The following AKAP6 variants were observed in gnomAD, a reference collection of about 807,000 sequenced individuals.
AKAP6 encodes A-kinase anchoring protein 6, also known as A-kinase anchor protein 6.
AKAP6 carries 58 observed loss-of-function variants against 188.5 expected under a neutral mutation model. That is an observed-to-expected ratio of 0.31 (90% CI 0.25 to 0.38). The LOEUF (loss-of-function observed/expected upper bound fraction) is 0.38, where lower values mean the gene tolerates loss of function less well. Among genes scored for constraint, AKAP6 ranks in the 10% least tolerant of loss-of-function variants. AKAP6 has a pLI of 1.00. For synonymous variants in AKAP6, 989 were observed against 998.6 expected (o/e 0.99, Z 0.18); for missense variants, 2,710 against 2,740.0 (o/e 0.99, Z 0.24).
intron 2 of AKAP6, among the ~76,000 whole-genome samples, chr14:32,452,968 G>A (rs1026215664): frequency 3.3e-5 from 5 of 152,202 alleles, no homozygotes; most frequent in Admixed American, 2.6e-4. Flanking sequence ...GCCATCCGTT[G>A]TTGGAAGGAT....
intron 1 of AKAP6, among the ~76,000 whole-genome samples, chr14:32,424,403 A>G (rs1013045973): frequency 4.6e-5 from 7 of 151,538 alleles, no homozygotes; most frequent in African/African-American, 1.7e-4. Flanking sequence ...ATCTTTATCC[A>G]TGCAGTTTCC....
chr14:32,706,513 C>T (rs974935799), intron 9 of AKAP6, among the ~76,000 whole-genome samples: 2 of 152,042 alleles, frequency 1.3e-5, no homozygotes, highest in Non-Finnish European at 2.9e-5. Context: ...CTCCTGGATC[C>T]CGTTATGCCA....
intron 4 of AKAP6, among the ~76,000 whole-genome samples, chr14:32,559,783 CTTTTTTT>C (rs35914295): frequency 8.4e-6 from 1 of 119,100 alleles, no homozygotes; most frequent in Admixed American, 8.7e-5. Context: ...TAAGCCTAAT[CTTTTTTT>C]TTTTTTTTTT....
At chr14:32,500,138 G>T (rs967315578) in intron 2 of AKAP6, among the ~76,000 whole-genome samples, 4 of 152,076 alleles carry the variant, frequency 2.6e-5, no homozygotes, top group Non-Finnish European at 5.9e-5. Context: ...AAAGAGAGAC[G>T]AGAAGAGGGA....
At chr14:32,483,932 C>T (rs1368653042) in intron 2 of AKAP6, among the ~76,000 whole-genome samples, 1 of 151,782 alleles carries the variant, frequency 6.6e-6, no homozygotes, top group African/African-American at 2.4e-5. Flanking sequence ...CACCTTGCCC[C>T]CCATCCCCTG....
chr14:32,693,450 A>C (rs1890265862), intron 8 of AKAP6: 1 of 152,202 alleles, frequency 6.6e-6, no homozygotes, highest in Non-Finnish European at 1.5e-5. Context: ...TGAGAGAACA[A>C]CAGAGCAAAG....
chr14:32,762,952 G>A (rs1056828828), intron 11 of AKAP6, among the ~76,000 whole-genome samples: 3 of 152,008 alleles, frequency 2.0e-5, no homozygotes, highest in Admixed American at 1.3e-4. Context: ...AACAAACAGA[G>A]GGGAGGTAAT....
chr14:32,626,713 T>C (rs747885380), intron 7 of AKAP6, among the ~76,000 whole-genome samples: 21 of 152,110 alleles, frequency 1.4e-4, no homozygotes, highest in Non-Finnish European at 2.5e-4. Context: ...AAATACTGCT[T>C]CACCCATTAA....
At chr14:32,475,891 G>A (rs1879041354) in intron 2 of AKAP6, among the ~76,000 whole-genome samples, 1 of 151,700 alleles carries the variant, frequency 6.6e-6, no homozygotes, top group African/African-American at 2.4e-5. Flanking sequence ...CACCATGTTA[G>A]CCAGGATGGT....
chr14:32,686,170 G>A (rs1452067598), intron 8 of AKAP6, among the ~76,000 whole-genome samples: 2 of 152,056 alleles, frequency 1.3e-5, no homozygotes, highest in East Asian at 1.9e-4. Flanking sequence ...ATTATGTTAA[G>A]TGAAATTCGC....
At chr14:32,795,522 G>A (rs1223094836) in intron 12 of AKAP6, among the ~76,000 whole-genome samples, 1 of 151,940 alleles carries the variant, frequency 6.6e-6, no homozygotes, top group East Asian at 1.9e-4. Flanking sequence ...CACATAAACA[G>A]AACTAAAGAC....
At chr14:32,432,656 C>A (rs901284352) in intron 1 of AKAP6, among the ~76,000 whole-genome samples, 1 of 152,192 alleles carries the variant, frequency 6.6e-6, no homozygotes, top group African/African-American at 2.4e-5. Context: ...AAAGGAGCAA[C>A]ATCTCCTGAA....
At chr14:32,492,355 T>TATATATATATATAGAGAGAGAGAGAG in intron 2 of AKAP6, among the ~76,000 whole-genome samples, 35 of 82,604 alleles carry the variant, frequency 4.2e-4, no homozygotes, top group East Asian at 3.3e-3. Context: ...TATATATATA[T>TATATATATATATAGAGAGAGAGAGAG]AGAGAGAGAG....
rs576450669 is a variant in AKAP6 at position 32,374,455 on chromosome 14, C to CA, written c.-35+45053dup. Among the ~76,000 whole-genome samples the CA allele has an allele frequency of 9.6e-4, 146 of 152,184 alleles. 3 individuals are homozygous for CA. In the East Asian group the frequency reaches 0.023, roughly 24 times the overall value. ...TAGAAGGATGACAAAGGCTTAGCCA[C>CA]AAAAAAGTCTATAAGGCATTAAGGG... is the stretch of plus-strand genomic sequence containing the variant. On this transcript the variant is annotated intron_variant, in intron 1 of 13. Transcript: ENST00000280979.
rs184713446 is a variant in AKAP6, at chr14:32,557,638, A to G, written c.2346+10639A>G. Reference sequence around the variant, plus strand: ...TGTGCTCTACACTACTTGGATGTTGATAATGATCTCTTATGAGTATCCTTA... The same window carrying G: ...TGTGCTCTACACTACTTGGATGTTGGTAATGATCTCTTATGAGTATCCTTA... On this transcript the variant is annotated intron_variant, in intron 4 of 13. Coordinates refer to ENST00000280979, the MANE Select transcript of AKAP6 (RefSeq NM_004274.5). Among the ~76,000 whole-genome samples, 74 of 152,334 alleles carry G rather than the reference A, an allele frequency of 4.9e-4. 1 individual carries two copies. The highest frequency in any genetic ancestry group is 4.4e-3 in the Admixed American group (67 of 15,298).
At chr14:32,582,636 T>G (rs1885031029) in intron 5 of AKAP6, among the ~76,000 whole-genome samples, 1 of 152,226 alleles carries the variant, frequency 6.6e-6, no homozygotes, top group Non-Finnish European at 1.5e-5. Context: ...CAATCAGACG[T>G]AGATTTGGTC....
rs551439681 is a variant in AKAP6 at position 32,619,886 on chromosome 14, C to T, written c.2730+19094C>T. On this transcript the variant is annotated intron_variant, in intron 7 of 13. Transcript: ENST00000280979. ...TAGTTCTCCTTGTAGAGATTTTTCA[C>T]CTCCTTGGTTAAGTATATTCCTGGA... Among the ~76,000 whole-genome samples, 3 of 152,218 alleles carry T rather than the reference C, an allele frequency of 2.0e-5. No individual in the cohort carries two copies. The South Asian group carries it at 6.2e-4, about 32-fold the overall frequency.
chr14:32,653,425 T>C (rs1425345259), intron 7 of AKAP6, among the ~76,000 whole-genome samples: 2 of 152,092 alleles, frequency 1.3e-5, no homozygotes, highest in Non-Finnish European at 2.9e-5. Context: ...TCATGAGATC[T>C]GGTCATTTAA....
intron 12 of AKAP6, among the ~76,000 whole-genome samples, chr14:32,787,278 T>C (rs2033452364): frequency 1.3e-5 from 2 of 152,390 alleles, no homozygotes; most frequent in South Asian, 4.1e-4. Flanking sequence ...GTGATGCATA[T>C]ATTAAGATAA....
Sources: gnomAD v4.1 joint callset for allele counts (sites outside exome capture counted in the v4.1 genomes callset) on GRCh38, gnomAD v4.1.1 for gene constraint, MANE v1.5 for transcripts, NCBI Gene and HGNC (gene_info 2026-07-23, HGNC 2026-07-21) for gene names.